Variants in PIK3C2G observed in about 807,000 individuals in gnomAD.
PIK3C2G encodes the protein phosphatidylinositol 3-kinase C2 domain-containing subunit gamma.
PIK3C2G carries 168 observed loss-of-function variants against 181.1 expected under a neutral mutation model. That is an observed-to-expected ratio of 0.93 (90% CI 0.82 to 1.05). The LOEUF is 1.05. PIK3C2G is among the 50% of genes least tolerant of loss of function. The pLI is 0.00. For synonymous variants in PIK3C2G, 573 were observed against 592.2 expected (o/e 0.97, Z 0.47); for missense variants, 1,869 against 1,732.8 (o/e 1.08, Z -1.40).
intron 15 of PIK3C2G, among the ~76,000 whole-genome samples, chr12:18,396,564 G>A (rs926808577): frequency 6.6e-5 from 10 of 151,316 alleles, no homozygotes; most frequent in Non-Finnish European, 1.3e-4. Flanking sequence ...AAATAAAACT[G>A]ACTATTTTTA....
At chr12:18,331,167 A>G (rs577463434) in intron 8 of PIK3C2G, among the ~76,000 whole-genome samples, 36 of 152,274 alleles carry the variant, frequency 2.4e-4, no homozygotes, top group Admixed American at 2.4e-3. Flanking sequence ...ATCAGGCAAT[A>G]TAAGTTCTCC....
upstream of PIK3C2G, chr12:18,261,488 T>C (rs1948232332): frequency 6.6e-6 from 1 of 152,104 alleles, no homozygotes; most frequent in African/African-American, 2.4e-5. Context: ...CACGTTCCCT[T>C]GAAATAGAAG....
At chr12:18,620,262 T>TAA (rs928883371) in intron 31 of PIK3C2G, among the ~76,000 whole-genome samples, 9 of 152,148 alleles carry the variant, frequency 5.9e-5, no homozygotes, top group African/African-American at 1.7e-4. Context: ...AATTTTTAAT[T>TAA]TGTATAATGT....
the PIK3C2G span, among the ~76,000 whole-genome samples, chr12:18,679,236 A>G: frequency 1.3e-5 from 2 of 152,020 alleles, no homozygotes; most frequent in African/African-American, 4.8e-5. Context: ...TGATATATAT[A>G]TAGCTTACCT....
At chr12:18,303,139 TTTTC>T (rs1950266599) in intron 5 of PIK3C2G, among the ~76,000 whole-genome samples, 2 of 128,660 alleles carry the variant, frequency 1.6e-5, no homozygotes, top group Admixed American at 1.6e-4. Flanking sequence ...TCTTTCTTTC[TTTTC>T]TTTTCTTTCT....
chr12:18,685,706 A>T, the PIK3C2G span: 2 of 504,064 alleles, frequency 4.0e-6, no homozygotes, highest in African/African-American at 3.9e-5. Context: ...GTTTAGAGTC[A>T]ATTCTTTATA....
the PIK3C2G span, among the ~76,000 whole-genome samples, chr12:18,705,911 A>C: frequency 1.3e-5 from 2 of 150,402 alleles, no homozygotes; most frequent in Admixed American, 6.7e-5. Flanking sequence ...ATATCCATAT[A>C]AAGGAATGAT....
chr12:18,685,654 T>G, the PIK3C2G span: 1 of 516,918 alleles, frequency 1.9e-6, no homozygotes, highest in Non-Finnish European at 3.9e-6. Flanking sequence ...CCATATTACC[T>G]TGACCTAAGA....
At position 18,282,165 on chromosome 12, in the gene PIK3C2G, T is replaced by C. The variant is rs779921017; in HGVS notation, c.84T>C (p.Asn28=). 1 of 1,611,454 alleles carries C rather than the reference T, an allele frequency of 6.2e-7. No homozygotes were observed. Among genetic ancestry groups the C allele is most frequent in the Admixed American group, 1.7e-5 (1 of 59,616 alleles). ...QYEHQEFLFV[N]QPHSSSQVSL... is the part of the protein sequence containing the mutation. ...AACACCAAGAATTTCTCTTTGTAAATCAACCCCATTCTTCTAGCCAAGTCA... is the reference window on the plus strand; with the variant it reads ...AACACCAAGAATTTCTCTTTGTAAACCAACCCCATTCTTCTAGCCAAGTCA... The change falls in exon 2 of 33, where the codon AAT becomes AAC. Residue 28 remains asparagine, a synonymous_variant. Coordinates refer to ENST00000538779, the MANE Select transcript of PIK3C2G (RefSeq NM_001288772.2).
chr12:18,393,022 T>A (rs1943631648), intron 15 of PIK3C2G, among the ~76,000 whole-genome samples: 1 of 152,112 alleles, frequency 6.6e-6, no homozygotes. Context: ...GTTCAACAAG[T>A]GTGCCACAAA....
chr12:18,478,407 T>C (rs925964277), intron 18 of PIK3C2G, among the ~76,000 whole-genome samples: 2 of 152,120 alleles, frequency 1.3e-5, no homozygotes, highest in African/African-American at 4.8e-5. Flanking sequence ...ATCAAGATTC[T>C]TAGGTTCGCA....
intron 24 of PIK3C2G, among the ~76,000 whole-genome samples, chr12:18,516,723 T>G (rs1204762375): frequency 6.6e-6 from 1 of 151,982 alleles, no homozygotes; most frequent in African/African-American, 2.4e-5. Context: ...TCACTGACTT[T>G]TGTGTGAACA....
chr12:18,397,311 T>A (rs961423859), intron 15 of PIK3C2G, among the ~76,000 whole-genome samples: 1 of 151,974 alleles, frequency 6.6e-6, no homozygotes, highest in Non-Finnish European at 1.5e-5. Flanking sequence ...AATTGGACAT[T>A]ATCAAAATTT....
chr12:18,620,293 T>G (rs73070229), intron 31 of PIK3C2G, among the ~76,000 whole-genome samples: 5,584 of 152,228 alleles, frequency 0.037, 110 homozygotes, highest in Middle Eastern at 0.075. Flanking sequence ...TTTAAGATTG[T>G]GTCCTCTTGA....
intron 12 of PIK3C2G, among the ~76,000 whole-genome samples, chr12:18,367,433 T>C (rs1395966311): frequency 6.6e-6 from 1 of 152,208 alleles, no homozygotes; most frequent in Non-Finnish European, 1.5e-5. Context: ...TAGAAGATTC[T>C]TCTCACTCTA....
intron 14 of PIK3C2G, among the ~76,000 whole-genome samples, chr12:18,385,572 T>G (rs1943112993): frequency 6.6e-6 from 1 of 152,016 alleles, no homozygotes; most frequent in Non-Finnish European, 1.5e-5. Context: ...GTTTCTTTAT[T>G]ATTATTATTA....
chr12:18,486,672 C>A (rs1940072658), intron 18 of PIK3C2G, among the ~76,000 whole-genome samples: 1 of 150,360 alleles, frequency 6.7e-6, no homozygotes, highest in East Asian at 2.0e-4. Flanking sequence ...AAAAAAAAAA[C>A]AAGTAGCCCA....
chr12:18,655,819 C>T, the PIK3C2G span, among the ~76,000 whole-genome samples: 30,229 of 97,058 alleles, frequency 0.31, 3,174 homozygotes, highest in Non-Finnish European at 0.33. Flanking sequence ...TTGACTAGTA[C>T]TCCTGAAACT....
chr12:18,683,963 G>A, the PIK3C2G span, among the ~76,000 whole-genome samples: 2 of 151,772 alleles, frequency 1.3e-5, no homozygotes, highest in South Asian at 2.1e-4. Flanking sequence ...CCTTCCACAT[G>A]AGAACACATT....
Sources: allele counts gnomAD v4.1 joint callset (sites outside exome capture counted in the v4.1 genomes callset), GRCh38; gene constraint gnomAD v4.1.1; transcripts MANE v1.5; gene names NCBI Gene and HGNC (gene_info 2026-07-23, HGNC 2026-07-21).